Variants in SLC25A21 observed in about 807,000 individuals in gnomAD.
SLC25A21 encodes mitochondrial 2-oxodicarboxylate carrier.
A neutral mutation model predicts 43.8 loss-of-function variants in SLC25A21; 47 were observed. The observed-to-expected ratio is 1.07, with a 90% CI of 0.85 to 1.37. The LOEUF (loss-of-function observed/expected upper bound fraction) is 1.37, where lower values mean the gene tolerates loss of function less well. SLC25A21 is among the 40% of genes most tolerant of loss of function. The probability of loss-of-function intolerance (pLI) is 0.00; values close to 1 mark genes in which losing one functional copy is unlikely to be tolerated. For missense variants in SLC25A21, 352 were observed against 350.2 expected (o/e 1.00, Z -0.04); for synonymous variants, 131 against 121.3 (o/e 1.08, Z -0.52).
chr14:36,741,262 G>A (rs774732387), intron 3 of SLC25A21, among the ~76,000 whole-genome samples: 1 of 152,104 alleles, frequency 6.6e-6, no homozygotes, highest in Admixed American at 6.5e-5. Context: ...CTAGGTTTTT[G>A]GTGTTAGGAG....
At chr14:37,046,882 A>G (rs1961597916) in intron 1 of SLC25A21, among the ~76,000 whole-genome samples, 2 of 152,208 alleles carry the variant, frequency 1.3e-5, no homozygotes, top group South Asian at 2.1e-4. Flanking sequence ...TCTACCCCAC[A>G]TAACACCCCT....
Position 36,683,165 on chromosome 14 carries a change from T to C in SLC25A21, c.838+663A>G, listed in dbSNP as rs186360983. ...GCTTATAATCTGAGACTATTTGCCC[T>C]GGCGGTTGAGTCTGCAGAAGTTATT... On this transcript the variant is annotated intron_variant, in intron 9 of 9. Transcript: ENST00000331299. 4.9e-3 allele frequency among the ~76,000 whole-genome samples: 752 copies of C among 152,356 alleles called. 5 individuals are homozygous for C. The highest frequency in any genetic ancestry group is 0.018 in the African/African-American group (729 of 41,590).
intron 1 of SLC25A21, among the ~76,000 whole-genome samples, chr14:37,066,430 C>T (rs1489281225): frequency 2.6e-5 from 4 of 152,056 alleles, no homozygotes; most frequent in South Asian, 2.1e-4. Context: ...AAAATGATAT[C>T]GAGGACATCA....
chr14:37,049,169 C>A (rs1385145974), intron 1 of SLC25A21, among the ~76,000 whole-genome samples: 1 of 152,042 alleles, frequency 6.6e-6, no homozygotes, highest in East Asian at 1.9e-4. Context: ...CTTGAAATTC[C>A]AATATTTCTT....
rs573539353 is a variant in SLC25A21 at position 36,948,881 on chromosome 14, TTTCTC to T, written c.71-73882_71-73878del. Among the ~76,000 whole-genome samples the T allele has an allele frequency of 2.2e-3, 331 of 152,336 alleles. 3 individuals carry two copies. Among genetic ancestry groups the T allele is most frequent in the African/African-American group, 7.5e-3 (311 of 41,588 alleles). On this transcript the variant is annotated intron_variant, in intron 1 of 9. Coordinates refer to ENST00000331299, the MANE Select transcript of SLC25A21 (RefSeq NM_030631.4). ...AAAATAAATTCCACCTGTTTCTACT[TTTCTC>T]TAATGTGGCTATTCAAAAGTTTGGA...
intron 2 of SLC25A21, among the ~76,000 whole-genome samples, chr14:36,822,224 C>T (rs1440248453): frequency 6.6e-6 from 1 of 152,256 alleles, no homozygotes; most frequent in Non-Finnish European, 1.5e-5. Flanking sequence ...CATCAATTAA[C>T]ACTCCAAAAT....
chr14:36,921,307 A>C (rs2138624598), intron 1 of SLC25A21, among the ~76,000 whole-genome samples: 1 of 152,264 alleles, frequency 6.6e-6, no homozygotes, highest in South Asian at 2.1e-4. Flanking sequence ...GTAGTACCAT[A>C]GTTCATTTGT....
chr14:37,164,167 A>T (rs986837548), intron 1 of SLC25A21, among the ~76,000 whole-genome samples: 1 of 152,350 alleles, frequency 6.6e-6, no homozygotes, highest in South Asian at 2.1e-4. Context: ...GTAGAGTAAA[A>T]TAAGAAATCC....
intron 3 of SLC25A21, among the ~76,000 whole-genome samples, chr14:36,792,878 G>GA (rs1009109688): frequency 1.3e-5 from 2 of 151,946 alleles, no homozygotes; most frequent in African/African-American, 2.4e-5. Context: ...GTTCCATCAA[G>GA]AAAAAATCAT....
intron 1 of SLC25A21, among the ~76,000 whole-genome samples, chr14:37,114,499 G>A (rs759008952): frequency 4.6e-5 from 7 of 152,114 alleles, no homozygotes; most frequent in African/African-American, 9.7e-5. Context: ...TTGTTGCTGC[G>A]CAATACTTAA....
At chr14:36,815,388 T>C (rs945402059) in intron 2 of SLC25A21, among the ~76,000 whole-genome samples, 3 of 152,072 alleles carry the variant, frequency 2.0e-5, no homozygotes, top group East Asian at 3.9e-4. Context: ...GATTGTAAAT[T>C]TGGAATTCAT....
chr14:36,689,321 T>A (rs1296220168), intron 7 of SLC25A21, among the ~76,000 whole-genome samples: 1 of 152,130 alleles, frequency 6.6e-6, no homozygotes, highest in Non-Finnish European at 1.5e-5. Context: ...TCCTACAACA[T>A]GTGGGAATTA....
At chr14:36,709,132 C>G (rs545446075) in intron 7 of SLC25A21, among the ~76,000 whole-genome samples, 1 of 152,180 alleles carries the variant, frequency 6.6e-6, no homozygotes, top group East Asian at 1.9e-4. Context: ...CTCAGCCTCC[C>G]GAGTAGCTGG....
At chr14:36,959,244 C>T (rs1337999565) in intron 1 of SLC25A21, among the ~76,000 whole-genome samples, 2 of 152,182 alleles carry the variant, frequency 1.3e-5, no homozygotes, top group Non-Finnish European at 2.9e-5. Flanking sequence ...CTACTAGGAT[C>T]CCTATGATGC....
At position 36,684,751 on chromosome 14, in the gene SLC25A21, C is replaced by T; in HGVS notation, c.778G>A (p.Glu260Lys). 6.2e-7 allele frequency: 1 copy of T among 1,605,000 alleles called. No individual in the cohort carries two copies. The highest frequency in any genetic ancestry group is 8.5e-7 in the Non-Finnish European group (1 of 1,176,294). Residue 260 changes from glutamate to lysine, a missense_variant, in exon 8 of 10, where the codon GAA (glutamate) becomes AAA (lysine). Coordinates refer to ENST00000331299, the MANE Select transcript of SLC25A21 (RefSeq NM_030631.4). Reference protein sequence around the residue: ...CFKTMATVYQEEGILALYKGL... With the variant: ...CFKTMATVYQKEGILALYKGL... ...AAGAATGTGTTATGTTACCCTTCTT[C>T]CTGATAGACTGTTGCCATTGTTTTA... is the stretch of plus-strand genomic sequence containing the variant.
intron 1 of SLC25A21, among the ~76,000 whole-genome samples, chr14:36,900,400 C>T (rs1024493350): frequency 1.8e-4 from 27 of 152,102 alleles, no homozygotes; most frequent in African/African-American, 6.0e-4. Flanking sequence ...TAAATCTCTG[C>T]GCAACATCTC....
intron 1 of SLC25A21, among the ~76,000 whole-genome samples, chr14:37,158,189 T>C (rs886274385): frequency 9.2e-5 from 14 of 152,146 alleles, no homozygotes; most frequent in African/African-American, 2.2e-4. Flanking sequence ...CCTGAAACTA[T>C]TGCAAAAAAC....
intron 1 of SLC25A21, among the ~76,000 whole-genome samples, chr14:36,882,702 T>A (rs1328287273): frequency 2.6e-5 from 4 of 152,016 alleles, no homozygotes; most frequent in Admixed American, 1.3e-4. Flanking sequence ...TTCACCAATT[T>A]ACATTTCCAG....
At chr14:36,681,109 T>C (rs558004514) in intron 9 of SLC25A21, among the ~76,000 whole-genome samples, 2 of 152,208 alleles carry the variant, frequency 1.3e-5, no homozygotes, top group African/African-American at 4.8e-5. Context: ...TTTCAGTCCG[T>C]AATTAGCAGT....
Sources: allele counts gnomAD v4.1 joint callset (sites outside exome capture counted in the v4.1 genomes callset), GRCh38; gene constraint gnomAD v4.1.1; transcripts MANE v1.5; gene names NCBI Gene and HGNC (gene_info 2026-07-23, HGNC 2026-07-21).